The following COBL variants were observed in gnomAD, a reference collection of about 807,000 sequenced individuals.
COBL encodes the protein protein cordon-bleu.
A neutral mutation model predicts 98.8 loss-of-function variants in COBL; 51 were observed. That is an observed-to-expected ratio of 0.52 (90% CI 0.41 to 0.65). The LOEUF is 0.65. Among genes scored for constraint, COBL ranks in the 30% least tolerant of loss-of-function variants. The pLI is 0.00. For synonymous variants in COBL, 634 were observed against 651.7 expected, an observed-to-expected ratio of 0.97 and a Z score of 0.41; for missense variants, 1,617 against 1,617.5, an observed-to-expected ratio of 1.00 and a Z score of 0.01.
chr7:51,206,786 C>T (rs184851304), intron 2 of COBL, among the ~76,000 whole-genome samples: 1 of 152,284 alleles, frequency 6.6e-6, no homozygotes, highest in East Asian at 1.9e-4. Context: ...ACAAACACAC[C>T]ACCTGATTCA....
chr7:51,193,633 C>T (rs781451851), intron 2 of COBL, 44 bp from the exon 3 acceptor site: 4 of 1,562,452 alleles, frequency 2.6e-6, no homozygotes, highest in South Asian at 2.3e-5. Flanking sequence ...AATGACTGCA[C>T]TCTCTCTTTT....
chr7:51,247,515 T>C (rs946017923), intron 1 of COBL, among the ~76,000 whole-genome samples: 4 of 152,230 alleles, frequency 2.6e-5, no homozygotes, highest in African/African-American at 9.6e-5. Context: ...GGTGGCTTTA[T>C]TTTTCTTTTG....
At chr7:51,044,960 T>C (rs796116428) in intron 7 of COBL, among the ~76,000 whole-genome samples, 1 of 152,134 alleles carries the variant, frequency 6.6e-6, no homozygotes, top group Non-Finnish European at 1.5e-5. Context: ...AGGTAAAGAA[T>C]AGAACGAAAA....
intron 1 of COBL, among the ~76,000 whole-genome samples, chr7:51,257,873 CT>C (rs1238959113): frequency 6.6e-6 from 1 of 152,038 alleles, no homozygotes; most frequent in African/African-American, 2.4e-5. Context: ...GAAATCTTCC[CT>C]GTCTATTCCT....
intron 1 of COBL, among the ~76,000 whole-genome samples, chr7:51,287,913 G>A (rs1029421108): frequency 6.6e-6 from 1 of 152,192 alleles, no homozygotes; most frequent in African/African-American, 2.4e-5. Context: ...TATGCTGTGC[G>A]AAAGAGGTTA....
At chr7:51,153,584 GCTTCT>G (rs1424338397) in intron 5 of COBL, among the ~76,000 whole-genome samples, 2 of 152,194 alleles carry the variant, frequency 1.3e-5, no homozygotes, top group East Asian at 3.8e-4. Context: ...TCATAGATAG[GCTTCT>G]CTTCTCTTCT....
chr7:51,136,198 G>A lies in COBL; in HGVS notation c.917C>T (p.Pro306Leu). The change falls in exon 6 of 13, where the codon CCA (proline) becomes CTA (leucine). Residue 306 changes from proline to leucine, a missense_variant. By Grantham distance (98) the Pro-to-Leu change is moderately conservative (BLOSUM62 -3). Around this residue, in one of 3 missense-constraint regions of COBL, gnomAD observed 1,304 missense variants for 1,282.0 expected, o/e 1.02. Coordinates refer to ENST00000265136, the MANE Select transcript of COBL (RefSeq NM_015198.5). The stretch of plus-strand genomic sequence containing the variant: ...GTCTTGCACAGGTGGCCCTGAACCT[G>A]GAGGAGGAGGGGCTCGGCGCTTCTT... ...EMKKRRAPPP[P>L]GSGPPVQDKA... 6.2e-7 allele frequency: 1 copy of A among 1,612,930 alleles called. No homozygotes were observed. Among genetic ancestry groups the A allele is most frequent in the Non-Finnish European group, 8.5e-7 (1 of 1,179,996 alleles).
At chr7:51,066,313 C>G (rs537979336) in intron 7 of COBL, among the ~76,000 whole-genome samples, 2 of 152,170 alleles carry the variant, frequency 1.3e-5, no homozygotes, top group Non-Finnish European at 2.9e-5. Flanking sequence ...TCCCATAAAG[C>G]TCAAACAGCA....
intron 2 of COBL, among the ~76,000 whole-genome samples, chr7:51,207,094 A>G (rs1791806496): frequency 6.6e-6 from 1 of 152,200 alleles, no homozygotes; most frequent in African/African-American, 2.4e-5. Context: ...TATTTCACAA[A>G]TATATATGTA....
chr7:51,155,909 C>CT (rs1732000204), intron 5 of COBL, among the ~76,000 whole-genome samples: 1 of 152,280 alleles, frequency 6.6e-6, no homozygotes, highest in Non-Finnish European at 1.5e-5. Context: ...TCAACATTGA[C>CT]TTCTGCCAAT....
chr7:51,128,910 T>C (rs1798480550), intron 6 of COBL, among the ~76,000 whole-genome samples: 3 of 152,204 alleles, frequency 2.0e-5, no homozygotes, highest in African/African-American at 7.2e-5. Flanking sequence ...AGACAGACTG[T>C]CCCTGCCCGA....
At chr7:51,074,510 T>C (rs557977972) in intron 7 of COBL, among the ~76,000 whole-genome samples, 3 of 152,334 alleles carry the variant, frequency 2.0e-5, no homozygotes, top group Admixed American at 6.5e-5. Flanking sequence ...CTTCAAACCA[T>C]TGTTGAAAAA....
intron 6 of COBL, among the ~76,000 whole-genome samples, chr7:51,111,989 C>T (rs1796867412): frequency 6.6e-6 from 1 of 152,162 alleles, no homozygotes; most frequent in Non-Finnish European, 1.5e-5. Flanking sequence ...GTAATATCCT[C>T]ATCAATATCA....
At chr7:51,209,115 T>G (rs1301304013) in intron 2 of COBL, among the ~76,000 whole-genome samples, 1 of 149,650 alleles carries the variant, frequency 6.7e-6, no homozygotes, top group African/African-American at 2.5e-5. Flanking sequence ...GAGGCACTCG[T>G]TCATTCCTCC....
At chr7:51,316,399 C>G (rs1803599147) in intron 1 of COBL, 194 bp downstream of exon 1, 2 of 372,490 alleles carry the variant, frequency 5.4e-6, no homozygotes, top group Non-Finnish European at 9.0e-6. Flanking sequence ...ACCCGGGTGC[C>G]CAAAGTACAC....
intron 4 of COBL, among the ~76,000 whole-genome samples, chr7:51,188,486 T>A (rs1789760941): frequency 6.6e-6 from 1 of 152,182 alleles, no homozygotes; most frequent in East Asian, 1.9e-4. Context: ...GGGACGGTAA[T>A]CAAATGTCAC....
rs1045421348 is a variant in COBL, at chr7:51,029,204, A to C, written c.1892T>G (p.Val631Gly). Reference sequence around the variant, plus strand: ...GTGAAGATTCGAAGCAAAAGAAGTCACCCTGGGCGCCGTTTCCATTAGATT... The same window carrying C: ...GTGAAGATTCGAAGCAAAAGAAGTCCCCCTGGGCGCCGTTTCCATTAGATT... The part of the protein sequence containing the change: ...DGNLMETAPR[V>G]TSFASNLHTD... Residue 631 changes from valine to glycine, a missense_variant, in exon 10 of 13, where the codon GTG becomes GGG. Physicochemically the swap from Val to Gly is moderately radical, Grantham distance 109. Around this residue, in one of 3 missense-constraint regions of COBL, gnomAD observed 1,304 missense variants for 1,282.0 expected, o/e 1.02. Coordinates refer to ENST00000265136, the MANE Select transcript of COBL (RefSeq NM_015198.5). The C allele has an allele frequency of 6.2e-7, 1 of 1,613,808 alleles. No individual in the cohort carries two copies. Among genetic ancestry groups the C allele is most frequent in the Non-Finnish European group, 8.5e-7 (1 of 1,179,992 alleles).
At chr7:51,218,533 G>T (rs1161755994) in intron 2 of COBL, among the ~76,000 whole-genome samples, 1 of 152,122 alleles carries the variant, frequency 6.6e-6, no homozygotes, top group Non-Finnish European at 1.5e-5. Context: ...GAGTGCAATG[G>T]CACAATCTCG....
At chr7:51,120,838 TAAGTA>T (rs1797676787) in intron 6 of COBL, among the ~76,000 whole-genome samples, 1 of 152,202 alleles carries the variant, frequency 6.6e-6, no homozygotes, top group Admixed American at 6.5e-5. Flanking sequence ...TTTAAATGTT[TAAGTA>T]TTTATTTTTG....
Sources: gnomAD v4.1 joint callset for allele counts (sites outside exome capture counted in the v4.1 genomes callset) on GRCh38, gnomAD v4.1.1 for gene constraint, gnomAD v4.1.1 regional missense constraint, MANE v1.5 for transcripts, NCBI Gene and HGNC (gene_info 2026-07-23, HGNC 2026-07-21) for gene names.